The following NDUFAF2 variants were observed in gnomAD, a reference collection of about 807,000 sequenced individuals.
NDUFAF2 encodes the protein NADH:ubiquinone oxidoreductase complex assembly factor 2, also known as NADH dehydrogenase [ubiquinone] 1 alpha subcomplex assembly factor 2.
A neutral mutation model predicts 22.8 loss-of-function variants in NDUFAF2; 13 were observed. That is an observed-to-expected ratio of 0.57 (90% CI 0.37 to 0.91). NDUFAF2 has a LOEUF of 0.91. Ranked by LOEUF, NDUFAF2 falls within the 40% of genes least tolerant of loss-of-function variation. NDUFAF2 has a pLI of 0.01. For synonymous variants in NDUFAF2, 53 were observed against 64.2 expected (o/e 0.83, Z 0.84); for missense variants, 162 against 195.2 (o/e 0.83, Z 1.01).
intron 1 of NDUFAF2, among the ~76,000 whole-genome samples, chr5:61,015,809 A>G (rs952040759): frequency 6.6e-6 from 1 of 152,218 alleles, no homozygotes; most frequent in Admixed American, 6.5e-5. Context: ...TACAGATTAT[A>G]TATAGTTTCC....
chr5:61,052,757 A>G (rs1211180271), intron 1 of NDUFAF2, among the ~76,000 whole-genome samples: 1 of 152,248 alleles, frequency 6.6e-6, no homozygotes, highest in Admixed American at 6.5e-5. Flanking sequence ...TATTATAATA[A>G]CACTGAATTA....
chr5:60,961,622 C>T (rs1354194755), intron 1 of NDUFAF2, among the ~76,000 whole-genome samples: 1 of 143,096 alleles, frequency 7.0e-6, no homozygotes, highest in Non-Finnish European at 1.5e-5. Flanking sequence ...AAAAATTAGC[C>T]AGACATGGTG....
chr5:60,987,352 TA>T (rs1438599692), intron 1 of NDUFAF2, among the ~76,000 whole-genome samples: 2 of 152,138 alleles, frequency 1.3e-5, no homozygotes, highest in African/African-American at 2.4e-5. Context: ...ACCAGATGTA[TA>T]AAGAAGAGCT....
At chr5:60,992,305 G>T (rs565777421) in intron 1 of NDUFAF2, among the ~76,000 whole-genome samples, 1 of 152,238 alleles carries the variant, frequency 6.6e-6, no homozygotes, top group African/African-American at 2.4e-5. Context: ...GACACTTGAC[G>T]TGATCCCATT....
intron 3 of NDUFAF2, among the ~76,000 whole-genome samples, chr5:61,113,075 G>A (rs545745188): frequency 6.6e-6 from 1 of 151,984 alleles, no homozygotes; most frequent in African/African-American, 2.4e-5. Flanking sequence ...CTTAAGTTTT[G>A]TTGTTTCAAT....
At chr5:61,095,697 G>A (rs1373501071) in intron 2 of NDUFAF2, among the ~76,000 whole-genome samples, 3 of 152,182 alleles carry the variant, frequency 2.0e-5, no homozygotes, top group Non-Finnish European at 4.4e-5. Flanking sequence ...GTGGGTTTAG[G>A]AGGAGATCTC....
intron 3 of NDUFAF2, among the ~76,000 whole-genome samples, chr5:61,112,625 A>G (rs539697794): frequency 2.6e-5 from 4 of 151,874 alleles, no homozygotes; most frequent in African/African-American, 9.7e-5. Context: ...CCATCCTTTT[A>G]TTTTCAGGCT....
intron 1 of NDUFAF2, among the ~76,000 whole-genome samples, chr5:60,959,462 A>C (rs941904707): frequency 6.6e-6 from 1 of 152,074 alleles, no homozygotes; most frequent in Admixed American, 6.5e-5. Context: ...TCAGTAATGC[A>C]CAATGATAGA....
At chr5:60,951,752 G>A (rs1399863479) in intron 1 of NDUFAF2, among the ~76,000 whole-genome samples, 2 of 151,954 alleles carry the variant, frequency 1.3e-5, no homozygotes, top group Admixed American at 6.6e-5. Flanking sequence ...TTCTGGAAGC[G>A]TTTGTGAAGA....
intron 1 of NDUFAF2, among the ~76,000 whole-genome samples, chr5:60,960,952 A>G (rs112107739): frequency 6.6e-6 from 1 of 152,128 alleles, no homozygotes; most frequent in African/African-American, 2.4e-5. Flanking sequence ...TTAAGCATAC[A>G]TTACCTTCAA....
At chr5:61,088,045 G>C (rs1164335705) in intron 2 of NDUFAF2, among the ~76,000 whole-genome samples, 1 of 152,094 alleles carries the variant, frequency 6.6e-6, no homozygotes, top group Non-Finnish European at 1.5e-5. Flanking sequence ...ATTAGGAAAA[G>C]CTCTACCATC....
In NDUFAF2 at chr5:61,062,876, G is replaced by A. The variant is rs535979505; in HGVS notation, c.128-10249G>A. Among the ~76,000 whole-genome samples the A allele has an allele frequency of 5.1e-4, 77 of 152,246 alleles. 3 individuals carry two copies. The South Asian group carries it at 0.016, about 32-fold the overall frequency. On this transcript the variant is annotated intron_variant, in intron 1 of 3. Transcript: ENST00000296597. ...CAGATTTCTCAGCAGAAACCTTGCA[G>A]GCCAAGAGAGACTGAGAAGATATAT...
At chr5:60,968,529 C>T (rs1389591227) in intron 1 of NDUFAF2, among the ~76,000 whole-genome samples, 3 of 150,014 alleles carry the variant, frequency 2.0e-5, no homozygotes, top group Non-Finnish European at 4.5e-5. Flanking sequence ...TGTTATGTTT[C>T]CATTTTTGTT....
At chr5:60,948,884 G>A (rs1750502767) in intron 1 of NDUFAF2, among the ~76,000 whole-genome samples, 2 of 152,058 alleles carry the variant, frequency 1.3e-5, no homozygotes, top group Non-Finnish European at 2.9e-5. Context: ...CTAAGTGGTG[G>A]TACCGTTTTA....
intron 3 of NDUFAF2, among the ~76,000 whole-genome samples, chr5:61,144,850 C>T (rs1741116015): frequency 6.6e-6 from 1 of 152,176 alleles, no homozygotes; most frequent in Admixed American, 6.6e-5. Flanking sequence ...GCAGAGACCT[C>T]TAGTATTTTT....
chr5:61,090,299 C>T (rs1297995324), intron 2 of NDUFAF2, among the ~76,000 whole-genome samples: 1 of 151,960 alleles, frequency 6.6e-6, no homozygotes, highest in Non-Finnish European at 1.5e-5. Context: ...TACAATTACT[C>T]AACTCTAATG....
At chr5:61,016,253 A>G (rs1296125592) in intron 1 of NDUFAF2, among the ~76,000 whole-genome samples, 1 of 149,934 alleles carries the variant, frequency 6.7e-6, no homozygotes, top group Non-Finnish European at 1.5e-5. Context: ...ATAGACACAT[A>G]TATATTTGGC....
intron 1 of NDUFAF2, among the ~76,000 whole-genome samples, chr5:60,988,722 G>C (rs924814797): frequency 6.6e-5 from 10 of 152,256 alleles, no homozygotes; most frequent in Admixed American, 5.9e-4. Flanking sequence ...TAACTGGCTA[G>C]GTATATGTGG....
intron 1 of NDUFAF2, among the ~76,000 whole-genome samples, chr5:61,057,168 C>CT (rs1341810033): frequency 1.3e-5 from 2 of 151,678 alleles, no homozygotes; most frequent in East Asian, 3.9e-4. Flanking sequence ...GTTCAGACTT[C>CT]TTTGTCTTTT....
Sources: allele counts gnomAD v4.1 joint callset (sites outside exome capture counted in the v4.1 genomes callset), GRCh38; gene constraint gnomAD v4.1.1; transcripts MANE v1.5; gene names NCBI Gene and HGNC (gene_info 2026-07-23, HGNC 2026-07-21).